AMMECR1L: variants seen among roughly 807,000 people sequenced by gnomAD.
AMMECR1L encodes AMMECR1 like, also known as AMMECR1-like protein.
A neutral mutation model predicts 36.8 loss-of-function variants in AMMECR1L; 4 were observed. That is an observed-to-expected ratio of 0.11 (90% CI 0.05 to 0.25). The LOEUF (loss-of-function observed/expected upper bound fraction) is 0.25, where lower values mean the gene tolerates loss of function less well. Among genes scored for constraint, AMMECR1L ranks in the 10% least tolerant of loss-of-function variants. The pLI is 1.00. For missense variants in AMMECR1L, 232 were observed against 392.1 expected, an observed-to-expected ratio of 0.59 and a Z score of 3.45; for synonymous variants, 147 against 148.0, an observed-to-expected ratio of 0.99 and a Z score of 0.05.
chr2:127,879,888 A>G (rs913530964), intron 2 of AMMECR1L, among the ~76,000 whole-genome samples: 28 of 152,220 alleles, frequency 1.8e-4, no homozygotes, highest in African/African-American at 6.5e-4. Flanking sequence ...CAAATGCTCC[A>G]CTTAATGACA....
chr2:127,885,421 G>A (rs1265455065), intron 1 of AMMECR1L: 1 of 971,212 alleles, frequency 1.0e-6, no homozygotes, highest in African/African-American at 1.9e-5. Flanking sequence ...AGGGGGCGGC[G>A]GGGCGGCGGG....
chr2:127,879,721 C>G (rs1691405439), intron 2 of AMMECR1L, among the ~76,000 whole-genome samples: 1 of 152,166 alleles, frequency 6.6e-6, no homozygotes, highest in African/African-American at 2.4e-5. Context: ...GGTATCTCAT[C>G]CACAACTAAG....
Position 127,862,292 on chromosome 2 carries a change from G to A in AMMECR1L, c.*2802C>T, listed in dbSNP as rs912945938. 4.6e-5 allele frequency: 7 copies of A among 153,738 alleles called. No individual in the cohort carries two copies. Among genetic ancestry groups the A allele is most frequent in the African/African-American group, 9.7e-5 (4 of 41,426 alleles). 9.5% of individuals were successfully genotyped at this position (153,738 alleles called of 1,614,324 possible). A position where few individuals can be genotyped will look rare whatever the true frequency, so the allele number is the denominator to read the frequency against. ...ACAGTGGTTACCTACTGTCCAGCTC[G>A]AGCAGCCCAAGGACAAAGGAAACAC... On this transcript the variant is annotated 3_prime_UTR_variant, in exon 8 of 8. Coordinates refer to ENST00000272647, the MANE Select transcript of AMMECR1L (RefSeq NM_001199140.2).
Position 127,862,324 on chromosome 2 carries a change from G to A in AMMECR1L, c.*2770C>T, listed in dbSNP as rs1690502876. 3.9e-5 allele frequency: 6 copies of A among 153,794 alleles called. 1 individual carries two copies. In the Admixed American group the frequency reaches 3.9e-4, roughly 10 times the overall value. 9.5% of individuals were successfully genotyped at this position (153,794 alleles called of 1,614,324 possible). ...CCAAGGACAAAGGAAACACTCAGCA[G>A]AAAACATTCCCTTTTCTTTAAACCT... On this transcript the variant is annotated 3_prime_UTR_variant, in exon 8 of 8. Coordinates refer to ENST00000272647, the MANE Select transcript of AMMECR1L (RefSeq NM_001199140.2).
chr2:127,871,392 C>A lies in AMMECR1L; in HGVS notation c.408-33G>T, dbSNP rs1338954138. 3 of 1,595,840 alleles carry A rather than the reference C, an allele frequency of 1.9e-6. No homozygotes were observed. Among genetic ancestry groups the A allele is most frequent in the Non-Finnish European group, 2.6e-6 (3 of 1,169,216 alleles). ...AAGCAAAACACAAAACATTCTCCAGCCCCAAATTAATCATGGATAAGAACA... is the reference window on the plus strand; with the variant it reads ...AAGCAAAACACAAAACATTCTCCAGACCCAAATTAATCATGGATAAGAACA... On this transcript the variant is annotated intron_variant, in intron 3 of 7. Coordinates refer to ENST00000272647, the MANE Select transcript of AMMECR1L (RefSeq NM_001199140.2). The surrounding 1 kb of genome is among the most constrained non-coding windows in gnomAD (Gnocchi z 4.3).
At chr2:127,880,879 G>A (rs909817728) in intron 2 of AMMECR1L, among the ~76,000 whole-genome samples, 18 of 152,086 alleles carry the variant, frequency 1.2e-4, no homozygotes, top group African/African-American at 1.7e-4. Context: ...CGCAGAACCT[G>A]AGGATGACTG....
intron 2 of AMMECR1L, among the ~76,000 whole-genome samples, chr2:127,876,103 T>C (rs919780858): frequency 7.4e-6 from 1 of 136,052 alleles, no homozygotes; most frequent in African/African-American, 2.7e-5. Context: ...AATCCCAGCA[T>C]GTTGGGAGGC....
In AMMECR1L at chr2:127,864,045, T is replaced by C. The variant is rs1690578352; in HGVS notation, c.*1049A>G. ...TAAAGGACAGAAACACCAACAGTCT[T>C]CCCACCTCTACAGGCAAACTAGAAA... On this transcript the variant is annotated 3_prime_UTR_variant, in exon 8 of 8. Transcript: ENST00000272647. The C allele has an allele frequency of 6.6e-6, 1 of 152,538 alleles. No individual in the cohort carries two copies. The highest frequency in any genetic ancestry group is 1.5e-5 in the Non-Finnish European group (1 of 68,032). 9.4% of individuals were successfully genotyped at this position (152,538 alleles called of 1,614,324 possible). A position where few individuals can be genotyped will look rare whatever the true frequency, so the allele number is the denominator to read the frequency against.
intron 3 of AMMECR1L, among the ~76,000 whole-genome samples, chr2:127,872,682 C>T (rs1413885353): frequency 6.6e-6 from 1 of 152,178 alleles, no homozygotes; most frequent in African/African-American, 2.4e-5. Flanking sequence ...AAAAATCCTT[C>T]AAGACAAGGC....
rs751024861 is a variant in AMMECR1L at position 127,865,107 on chromosome 2, T to C, written c.920A>G (p.Asn307Ser). The part of the protein sequence containing the change: ...NGTLHAPPLY[N>S]HYS ...TGCAGCCGTGTGTCAGGAGTAATGA[T>C]TGTAGAGGGGCGGGGCATGAAGAGT... The change falls in exon 8 of 8, where the codon AAT (asparagine) becomes AGT (serine). Residue 307 changes from asparagine (N) to serine (S), a missense_variant. Asn to Ser is a conservative substitution (Grantham distance 46). Transcript: ENST00000272647. This position sits in a 1 kb window ranked among gnomAD's most constrained non-coding sequence, Gnocchi z 5.4. 1.1e-5 allele frequency: 17 copies of C among 1,612,568 alleles called. No individual in the cohort carries two copies. The highest frequency in any genetic ancestry group is 4.5e-5 in the East Asian group (2 of 44,788).
chr2:127,863,538 G>C lies in AMMECR1L; in HGVS notation c.*1556C>G, dbSNP rs914673906. 6.6e-6 allele frequency: 1 copy of C among 152,558 alleles called. No homozygotes were observed. Among genetic ancestry groups the C allele is most frequent in the African/African-American group, 2.4e-5 (1 of 41,452 alleles). The allele number at this position is 152,558 out of a possible 1,614,324, so 9.5% of individuals were successfully genotyped here. A position where few individuals can be genotyped will look rare whatever the true frequency, so the allele number is the denominator to read the frequency against. On this transcript the variant is annotated 3_prime_UTR_variant, in exon 8 of 8. Transcript: ENST00000272647. ...ATTCCTGACAGAAGAAAATGCAAAA[G>C]ATCTTCTGAATATTTGCCCATTTCG...
In AMMECR1L at chr2:127,867,372, G is replaced by A. The variant is rs1046813130; in HGVS notation, c.725-376C>T. ...GTGGGAAGAGAGGAATTTAAATTCT[G>A]CAACTTATATTCCTTTGTGTGATCT... On this transcript the variant is annotated intron_variant, in intron 6 of 7. Coordinates refer to ENST00000272647, the MANE Select transcript of AMMECR1L (RefSeq NM_001199140.2). The A allele has an allele frequency of 3.4e-6, 3 of 881,222 alleles. No individual in the cohort carries two copies. The African/African-American group carries it at 5.5e-5, about 16-fold the overall frequency. 54.6% of individuals were successfully genotyped at this position (881,222 alleles called of 1,614,324 possible). A position where few individuals can be genotyped will look rare whatever the true frequency, so the allele number is the denominator to read the frequency against.
chr2:127,862,485 T>G lies in AMMECR1L; in HGVS notation c.*2609A>C, dbSNP rs1690508684. 1 of 153,734 alleles carries G rather than the reference T, an allele frequency of 6.5e-6. No homozygotes were observed. Among genetic ancestry groups the G allele is most frequent in the Admixed American group, 6.5e-5 (1 of 15,278 alleles). The allele number at this position is 153,734 out of a possible 1,614,324, so 9.5% of individuals were successfully genotyped here. A position where few individuals can be genotyped will look rare whatever the true frequency, so the allele number is the denominator to read the frequency against. ...CATGGATGATCCAGACTTGGTATTT[T>G]TCCTGAGAGCCACCTGCTACACACT... On this transcript the variant is annotated 3_prime_UTR_variant, in exon 8 of 8. Coordinates refer to ENST00000272647, the MANE Select transcript of AMMECR1L (RefSeq NM_001199140.2).
Position 127,871,516 on chromosome 2 carries a change from C to T in AMMECR1L, c.408-157G>A, listed in dbSNP as rs562762868. Among the ~76,000 whole-genome samples the T allele has an allele frequency of 1.8e-3, 278 of 152,304 alleles. 1 individual carries two copies. Among genetic ancestry groups the T allele is most frequent in the Non-Finnish European group, 2.3e-3 (158 of 68,022 alleles). On this transcript the variant is annotated intron_variant, in intron 3 of 7. Coordinates refer to ENST00000272647, the MANE Select transcript of AMMECR1L (RefSeq NM_001199140.2). This position sits in a 1 kb window ranked among gnomAD's most constrained non-coding sequence, Gnocchi z 4.3. ...GAAGGACTCTCTGCCTTTCTGAAAACGGCACAGCCCCTGGCTGGAAACGGG... is the reference window on the plus strand; with the variant it reads ...GAAGGACTCTCTGCCTTTCTGAAAATGGCACAGCCCCTGGCTGGAAACGGG...
rs781157197 is a variant in AMMECR1L at position 127,865,118 on chromosome 2, C to T, written c.909G>A (p.Pro303=). Residue 303 remains proline, a synonymous_variant, in exon 8 of 8, where the codon CCG becomes CCA. Coordinates refer to ENST00000272647, the MANE Select transcript of AMMECR1L (RefSeq NM_001199140.2). This position sits in a 1 kb window ranked among gnomAD's most constrained non-coding sequence, Gnocchi z 5.4. Reference sequence around the variant, plus strand: ...GTCAGGAGTAATGATTGTAGAGGGGCGGGGCATGAAGAGTGCCGTTCTGGA... The same window carrying T: ...GTCAGGAGTAATGATTGTAGAGGGGTGGGGCATGAAGAGTGCCGTTCTGGA... ...HCFQNGTLHA[P]PLYNHYS is the part of the protein sequence containing the mutation. 24 of 1,612,888 alleles carry T rather than the reference C, an allele frequency of 1.5e-5. No individual in the cohort carries two copies. The highest frequency in any genetic ancestry group is 1.6e-4 in the Middle Eastern group (1 of 6,072).
intron 2 of AMMECR1L, among the ~76,000 whole-genome samples, chr2:127,880,722 G>A (rs1379626462): frequency 6.6e-6 from 1 of 151,684 alleles, no homozygotes; most frequent in Non-Finnish European, 1.5e-5. Flanking sequence ...GAGGCCGCAG[G>A]GCATCTGTTT....
intron 2 of AMMECR1L, among the ~76,000 whole-genome samples, chr2:127,880,269 G>A (rs1005235189): frequency 6.6e-6 from 1 of 152,166 alleles, no homozygotes; most frequent in Non-Finnish European, 1.5e-5. Flanking sequence ...CAAGGGCCAT[G>A]GTGAGAGTCC....
Position 127,865,290 on chromosome 2 carries a change from A to C in AMMECR1L, c.822-85T>G, listed in dbSNP as rs1235687365. On this transcript the variant is annotated intron_variant, in intron 7 of 7. Coordinates refer to ENST00000272647, the MANE Select transcript of AMMECR1L (RefSeq NM_001199140.2). This position sits in a 1 kb window ranked among gnomAD's most constrained non-coding sequence, Gnocchi z 5.4. Reference sequence around the variant, plus strand: ...CTCAGCAGAGAAAAACCAAAAGCTTATTCCACATTTTGAAAGAATAAAATG... The same window carrying C: ...CTCAGCAGAGAAAAACCAAAAGCTTCTTCCACATTTTGAAAGAATAAAATG... The C allele has an allele frequency of 1.2e-6, 1 of 818,196 alleles. No individual in the cohort carries two copies. Among genetic ancestry groups the C allele is most frequent in the African/African-American group, 1.8e-5 (1 of 57,064 alleles). The allele number at this position is 818,196 out of a possible 1,614,324, so 50.7% of individuals were successfully genotyped here.
intron 2 of AMMECR1L, among the ~76,000 whole-genome samples, chr2:127,878,310 A>G (rs994626154): frequency 1.3e-5 from 2 of 152,110 alleles, no homozygotes; most frequent in African/African-American, 4.8e-5. Flanking sequence ...AGCGAGCTAG[A>G]GATACAGGTC....
Sources: allele counts gnomAD v4.1 joint callset (sites outside exome capture counted in the v4.1 genomes callset), GRCh38; gene constraint gnomAD v4.1.1; non-coding constraint Gnocchi (gnomAD v3.1); transcripts MANE v1.5; gene names NCBI Gene and HGNC (gene_info 2026-07-23, HGNC 2026-07-21).